The following CDK14 variants were observed in gnomAD, a reference collection of about 807,000 sequenced individuals.
CDK14 encodes the protein cyclin-dependent kinase 14.
In CDK14, 34 loss-of-function variants were observed where a neutral mutation model predicts 60.7. The observed-to-expected ratio is 0.56, with a 90% CI of 0.43 to 0.75. The LOEUF is 0.75. Among genes scored for constraint, CDK14 ranks in the 30% least tolerant of loss-of-function variants. The pLI is 0.00. For missense variants in CDK14, 482 were observed against 564.1 expected (o/e 0.85, Z 1.47); for synonymous variants, 197 against 203.7 (o/e 0.97, Z 0.28).
At chr7:91,192,855 G>A (rs888476674) in intron 14 of CDK14, among the ~76,000 whole-genome samples, 5 of 152,150 alleles carry the variant, frequency 3.3e-5, no homozygotes, top group Admixed American at 6.5e-5. Flanking sequence ...CCAAACTCTC[G>A]GGATCATCTA....
chr7:91,013,988 T>G (rs1796235672), intron 10 of CDK14, among the ~76,000 whole-genome samples: 1 of 151,984 alleles, frequency 6.6e-6, no homozygotes, highest in African/African-American at 2.4e-5. Context: ...TGAGAGTACC[T>G]TACATAAACT....
chr7:91,010,859 C>CCTTCTTT, intron 10 of CDK14, among the ~76,000 whole-genome samples: 1 of 116,692 alleles, frequency 8.6e-6, no homozygotes, highest in African/African-American at 3.3e-5. Context: ...CTCCCTCCCT[C>CCTTCTTT]CCTCCCTCTC....
At chr7:91,178,704 A>G (rs1447705079) in intron 14 of CDK14, among the ~76,000 whole-genome samples, 1 of 151,918 alleles carries the variant, frequency 6.6e-6, no homozygotes, top group Non-Finnish European at 1.5e-5. Context: ...AACACATGAA[A>G]AAATGCTCAT....
chr7:91,179,144 C>T (rs1306463512), intron 14 of CDK14, among the ~76,000 whole-genome samples: 1 of 151,838 alleles, frequency 6.6e-6, no homozygotes, highest in Non-Finnish European at 1.5e-5. Context: ...GAAAATGTGG[C>T]ACATATACAC....
chr7:90,932,123 G>T (rs1793611317), intron 8 of CDK14, among the ~76,000 whole-genome samples: 1 of 152,174 alleles, frequency 6.6e-6, no homozygotes, highest in South Asian at 2.1e-4. Flanking sequence ...TTTTGCACAT[G>T]TTCTGCCTCC....
At chr7:91,183,314 T>G (rs1802062890) in intron 14 of CDK14, among the ~76,000 whole-genome samples, 1 of 152,216 alleles carries the variant, frequency 6.6e-6, no homozygotes, top group Non-Finnish European at 1.5e-5. Context: ...GACCAGCCAC[T>G]GCAGCTTAGT....
At chr7:91,173,641 TG>T (rs1801608683) in intron 14 of CDK14, among the ~76,000 whole-genome samples, 1 of 152,302 alleles carries the variant, frequency 6.6e-6, no homozygotes, top group South Asian at 2.1e-4. Context: ...TTGCCTCACT[TG>T]GGAAGCACAA....
chr7:90,603,547 C>A (rs1254588249), intron 1 of CDK14, among the ~76,000 whole-genome samples: 4 of 152,112 alleles, frequency 2.6e-5, no homozygotes, highest in Non-Finnish European at 5.9e-5. Flanking sequence ...GACATTTGCA[C>A]AATGAAATTG....
chr7:90,772,587 C>T (rs1444765304), intron 4 of CDK14, among the ~76,000 whole-genome samples: 1 of 152,104 alleles, frequency 6.6e-6, no homozygotes, highest in Admixed American at 6.5e-5. Context: ...TCCCCCTTTG[C>T]TCTCTCTTCC....
At chr7:91,152,335 G>A (rs117000672) in intron 14 of CDK14, among the ~76,000 whole-genome samples, 1,683 of 152,230 alleles carry the variant, frequency 0.011, 7 homozygotes, top group Middle Eastern at 0.024. Context: ...TACTATGATG[G>A]GTAAGAATTT....
At chr7:90,700,530 C>A (rs1801761079) in intron 2 of CDK14, among the ~76,000 whole-genome samples, 1 of 152,160 alleles carries the variant, frequency 6.6e-6, no homozygotes, top group African/African-American at 2.4e-5. Flanking sequence ...GTTCAAATTA[C>A]AGAAATCATT....
At chr7:90,857,899 C>T (rs73222754) in intron 5 of CDK14, among the ~76,000 whole-genome samples, 8,641 of 152,102 alleles carry the variant, frequency 0.057, 359 homozygotes, top group South Asian at 0.085. Context: ...TGGTACATAT[C>T]GTAGGCTGTT....
At chr7:90,923,166 T>C (rs1793303509) in intron 8 of CDK14, among the ~76,000 whole-genome samples, 1 of 149,250 alleles carries the variant, frequency 6.7e-6, no homozygotes, top group Non-Finnish European at 1.5e-5. Flanking sequence ...TGGAGTGTAG[T>C]GGCGCCAATC....
intron 13 of CDK14, among the ~76,000 whole-genome samples, chr7:91,114,565 C>G (rs955323605): frequency 6.6e-6 from 1 of 152,078 alleles, no homozygotes; most frequent in African/African-American, 2.4e-5. Context: ...GAAGCATAAC[C>G]GTAAGGCGAT....
chr7:90,874,846 G>T (rs1180599754), intron 6 of CDK14, among the ~76,000 whole-genome samples: 2 of 152,070 alleles, frequency 1.3e-5, no homozygotes, highest in East Asian at 1.9e-4. Context: ...TTTTTAATGT[G>T]TGTAATGCAG....
At chr7:90,792,755 T>C (rs909343494) in intron 5 of CDK14, among the ~76,000 whole-genome samples, 1 of 152,252 alleles carries the variant, frequency 6.6e-6, no homozygotes, top group African/African-American at 2.4e-5. Context: ...ATCCCTTCTC[T>C]ACTCTGTTAG....
At chr7:91,036,155 TA>T (rs973510907) in intron 10 of CDK14, among the ~76,000 whole-genome samples, 1 of 152,132 alleles carries the variant, frequency 6.6e-6, no homozygotes, top group African/African-American at 2.4e-5. Context: ...TTCATGGTCT[TA>T]AAAGGCTGTA....
chr7:91,192,379 G>T (rs188239747), intron 14 of CDK14, among the ~76,000 whole-genome samples: 1 of 152,176 alleles, frequency 6.6e-6, no homozygotes, highest in Admixed American at 6.5e-5. Context: ...GGAGTGGGAA[G>T]TACATCTCCA....
At chr7:90,609,736 A>G (rs564265335) in intron 2 of CDK14, among the ~76,000 whole-genome samples, 7 of 152,290 alleles carry the variant, frequency 4.6e-5, no homozygotes, top group Admixed American at 3.3e-4. Flanking sequence ...CTTTATAGCA[A>G]TGTGAAAATG....
Sources: allele counts gnomAD v4.1 joint callset (sites outside exome capture counted in the v4.1 genomes callset), GRCh38; gene constraint gnomAD v4.1.1; transcripts MANE v1.5; gene names NCBI Gene and HGNC (gene_info 2026-07-23, HGNC 2026-07-21).